The following TIMM9 variants were observed in gnomAD, a reference collection of about 807,000 sequenced individuals.
TIMM9 encodes mitochondrial import inner membrane translocase subunit Tim9.
In TIMM9, 10 loss-of-function variants were observed where a neutral mutation model predicts 13.4. The ratio of observed to expected loss-of-function variants is 0.75; its 90% CI spans 0.46 to 1.26. The LOEUF is 1.26. Among genes scored for constraint, TIMM9 ranks in the 50% most tolerant of loss-of-function variants. The pLI is 0.00. For missense variants in TIMM9, 87 were observed against 100.8 expected (o/e 0.86, Z 0.58); for synonymous variants, 32 against 32.1 (o/e 1.00, Z 0.01).
At chr14:58,421,345 G>A (rs757505264) in intron 3 of TIMM9, among the ~76,000 whole-genome samples, 1 of 152,226 alleles carries the variant, frequency 6.6e-6, no homozygotes, top group Non-Finnish European at 1.5e-5. Flanking sequence ...AGGAATGGAT[G>A]AGGGAAGGAG....
chr14:58,421,745 AAAG>A (rs1217678092), intron 3 of TIMM9, among the ~76,000 whole-genome samples: 3 of 152,194 alleles, frequency 2.0e-5, no homozygotes, highest in South Asian at 2.1e-4. Context: ...AACAACTTCT[AAAG>A]AAGTATTAAA....
chr14:58,408,947 T>C lies in TIMM9; in HGVS notation c.*87A>G. On this transcript the variant is annotated 3_prime_UTR_variant, in exon 6 of 6. Transcript: ENST00000395159. ...ATGGTTGAACATGGTGGCTACTGCT[T>C]TCAGGGGATTCTATCAGATGAGTCC... 6.5e-7 allele frequency: 1 copy of C among 1,532,506 alleles called. No individual in the cohort carries two copies. The highest frequency in any genetic ancestry group is 1.3e-5 in the South Asian group (1 of 77,190). 94.9% of individuals were successfully genotyped at this position (1,532,506 alleles called of 1,614,324 possible).
At chr14:58,426,840 G>A (rs1027563299) in intron 2 of TIMM9, among the ~76,000 whole-genome samples, 1 of 152,162 alleles carries the variant, frequency 6.6e-6, no homozygotes, top group African/African-American at 2.4e-5. Context: ...GTTGGGGGTG[G>A]CTCAGGGCCT....
intron 5 of TIMM9, among the ~76,000 whole-genome samples, chr14:58,410,517 T>C (rs564825472): frequency 6.6e-6 from 1 of 152,304 alleles, no homozygotes; most frequent in Non-Finnish European, 1.5e-5. Flanking sequence ...CCCAGGGCCA[T>C]ACAGAAAGGC....
rs2036113039 is a variant in TIMM9 at position 58,408,740 on chromosome 14, C to T, written c.*294G>A. Reference sequence around the variant, plus strand: ...CATAAGTTGCTTTAAAATTAACAGTCACAATTGAAGAAACAATGGTTTATT... The same window carrying T: ...CATAAGTTGCTTTAAAATTAACAGTTACAATTGAAGAAACAATGGTTTATT... On this transcript the variant is annotated 3_prime_UTR_variant, in exon 6 of 6. Transcript: ENST00000395159. 4.0e-6 allele frequency: 3 copies of T among 755,436 alleles called. No homozygotes were observed. In the Admixed American group the frequency reaches 1.1e-4, roughly 26 times the overall value. The allele number at this position is 755,436 out of a possible 1,614,324, so 46.8% of individuals were successfully genotyped here.
chr14:58,413,034 A>C (rs1399938118), intron 3 of TIMM9, among the ~76,000 whole-genome samples: 2 of 152,222 alleles, frequency 1.3e-5, no homozygotes, highest in African/African-American at 4.8e-5. Flanking sequence ...TATTATACTC[A>C]GTCGAATACA....
At chr14:58,409,200 A>G (rs1292362619) in intron 5 of TIMM9, 32 bp from the exon 6 acceptor site, 2 of 1,596,976 alleles carry the variant, frequency 1.3e-6, no homozygotes, top group Admixed American at 3.7e-5. Flanking sequence ...CCAAGAGGCA[A>G]CACAAAAATA....
chr14:58,427,399 C>T lies in TIMM9; in HGVS notation c.-311G>A, dbSNP rs2036904974. On this transcript the variant is annotated 5_prime_UTR_variant, in exon 1 of 6. Coordinates refer to ENST00000395159, the MANE Select transcript of TIMM9 (RefSeq NM_012460.4). ...CTTGGAAGCCTAATTTACCTAATCC[C>T]ACGTCCCTAACGGTCTTCGGAAGCG... is the stretch of plus-strand genomic sequence containing the variant. 1.9e-6 allele frequency: 1 copy of T among 523,578 alleles called. No homozygotes were observed. Among genetic ancestry groups the T allele is most frequent in the Non-Finnish European group, 3.4e-6 (1 of 294,606 alleles). The allele number at this position is 523,578 out of a possible 1,614,324, so 32.4% of individuals were successfully genotyped here.
chr14:58,423,421 G>A (rs2036645569), intron 3 of TIMM9, among the ~76,000 whole-genome samples: 1 of 149,330 alleles, frequency 6.7e-6, no homozygotes, highest in Admixed American at 6.8e-5. Context: ...GGGAGGCTGA[G>A]GCAGAACTGC....
intron 3 of TIMM9, among the ~76,000 whole-genome samples, chr14:58,418,091 A>G (rs917968644): frequency 3.9e-5 from 6 of 152,192 alleles, no homozygotes; most frequent in African/African-American, 1.2e-4. Flanking sequence ...ATTAGCAAAT[A>G]TAATTCAGCA....
Position 58,408,517 on chromosome 14 carries a change from T to C in TIMM9, c.*517A>G, listed in dbSNP as rs776957681. ...AAATGATTAGCAAGTAACTATTTTA[T>C]GTATTCACCAGCAATTTGAGGCAGA... is the stretch of plus-strand genomic sequence containing the variant. On this transcript the variant is annotated 3_prime_UTR_variant, in exon 6 of 6. Transcript: ENST00000395159. 3.7e-6 allele frequency: 6 copies of C among 1,612,866 alleles called. No homozygotes were observed. The highest frequency in any genetic ancestry group is 1.6e-4 in the Middle Eastern group (1 of 6,080).
intron 3 of TIMM9, among the ~76,000 whole-genome samples, chr14:58,419,411 C>T (rs984265942): frequency 6.1e-5 from 9 of 147,386 alleles, no homozygotes; most frequent in South Asian, 2.2e-4. Flanking sequence ...GCCATGGTTG[C>T]GCCACTACGC....
rs750997820 is a variant in TIMM9, at chr14:58,410,921, C to T, written c.57G>A (p.Gly19=). 6.2e-7 allele frequency: 1 copy of T among 1,612,182 alleles called. No individual in the cohort carries two copies. The highest frequency in any genetic ancestry group is 8.5e-7 in the Non-Finnish European group (1 of 1,179,298). Residue 19 remains glycine, a synonymous_variant, in exon 5 of 6, where the codon GGG becomes GGA. Coordinates refer to ENST00000395159, the MANE Select transcript of TIMM9 (RefSeq NM_012460.4). ...AGGTCTCTGTAAGTTTATTGTAGGTCCCCAGAAATTCCTTAAACTACAAAC... is the reference window on the plus strand; with the variant it reads ...AGGTCTCTGTAAGTTTATTGTAGGTTCCCAGAAATTCCTTAAACTACAAAC... ...DQIKQFKEFL[G]TYNKLTETCF...
intron 2 of TIMM9, among the ~76,000 whole-genome samples, chr14:58,424,988 T>G (rs78386081): frequency 6.6e-6 from 1 of 152,090 alleles, no homozygotes; most frequent in Non-Finnish European, 1.5e-5. Flanking sequence ...TGGCCAAAGT[T>G]TGATATGGCT....
intron 3 of TIMM9, among the ~76,000 whole-genome samples, chr14:58,423,676 T>C (rs891426786): frequency 2.0e-5 from 3 of 152,132 alleles, no homozygotes; most frequent in African/African-American, 7.2e-5. Context: ...AGTTATTTAA[T>C]AGTAAGCTTA....
chr14:58,422,341 C>T (rs2036612556), intron 3 of TIMM9, among the ~76,000 whole-genome samples: 1 of 152,114 alleles, frequency 6.6e-6, no homozygotes, highest in South Asian at 2.1e-4. Flanking sequence ...GTCTTAAACT[C>T]CCGACCTCAG....
intron 3 of TIMM9, among the ~76,000 whole-genome samples, chr14:58,419,451 T>TCTCACACACACACACACACACA (rs1353854176): frequency 8.9e-6 from 1 of 112,856 alleles, no homozygotes; most frequent in Non-Finnish European, 1.8e-5. Context: ...TGAGACCCCG[T>TCTCACACACACACACACACACA]CACACACACA....
intron 2 of TIMM9, among the ~76,000 whole-genome samples, chr14:58,425,506 G>A (rs2036712300): frequency 6.6e-6 from 1 of 151,316 alleles, no homozygotes; most frequent in Non-Finnish European, 1.5e-5. Flanking sequence ...GAAGGCTTCA[G>A]GGAGCTATGA....
intron 5 of TIMM9, among the ~76,000 whole-genome samples, chr14:58,409,443 G>A (rs1434520262): frequency 6.6e-6 from 1 of 152,172 alleles, no homozygotes; most frequent in Non-Finnish European, 1.5e-5. Flanking sequence ...TTTTCTGCAA[G>A]TGTATTAAGT....
Sources: gnomAD v4.1 joint callset for allele counts (sites outside exome capture counted in the v4.1 genomes callset) on GRCh38, gnomAD v4.1.1 for gene constraint, MANE v1.5 for transcripts, NCBI Gene and HGNC (gene_info 2026-07-23, HGNC 2026-07-21) for gene names.